The following EFCAB6 variants were observed in gnomAD, a reference collection of about 807,000 sequenced individuals.
The protein encoded by EFCAB6 is EF-hand calcium-binding domain-containing protein 6.
In EFCAB6, 156 loss-of-function variants were observed where a neutral mutation model predicts 169.8. The observed-to-expected ratio is 0.92, with a 90% confidence interval of 0.81 to 1.05. The LOEUF is 1.05. Among genes scored for constraint, EFCAB6 ranks in the 50% least tolerant of loss-of-function variants. EFCAB6 has a pLI of 0.00. For synonymous variants in EFCAB6, 698 were observed against 676.4 expected, an observed-to-expected ratio of 1.03 and a Z score of -0.50; for missense variants, 1,800 against 1,829.1, an observed-to-expected ratio of 0.98 and a Z score of 0.29.
At chr22:43,727,811 T>G (rs1197137493) in intron 8 of EFCAB6, among the ~76,000 whole-genome samples, 1 of 152,200 alleles carries the variant, frequency 6.6e-6, no homozygotes, top group Non-Finnish European at 1.5e-5. Context: ...AGAGGCTCAT[T>G]TGGCTTATGG....
chr22:43,770,432 C>A (rs964186173), intron 4 of EFCAB6, among the ~76,000 whole-genome samples: 1 of 152,182 alleles, frequency 6.6e-6, no homozygotes, highest in Non-Finnish European at 1.5e-5. Context: ...AGGTGACTAA[C>A]ATGTGAAAAT....
chr22:43,726,061 G>A (rs553743813), intron 8 of EFCAB6, among the ~76,000 whole-genome samples: 32 of 152,102 alleles, frequency 2.1e-4, no homozygotes, highest in African/African-American at 6.3e-4. Flanking sequence ...CAGAATGACT[G>A]GATATATAGC....
At position 43,809,066 on chromosome 22, in the gene EFCAB6, G is replaced by A. The variant is rs1171419825; in HGVS notation, c.-79C>T. On this transcript the variant is annotated 5_prime_UTR_variant, in exon 2 of 32. Coordinates refer to ENST00000262726, the MANE Select transcript of EFCAB6 (RefSeq NM_022785.4). ...CCACATTCTCTCCCTGAAGAGTGAG[G>A]ACATTAAGCCCACACTTTTGTCATT... The A allele has an allele frequency of 6.6e-6, 1 of 152,124 alleles. No individual in the cohort carries two copies. Among genetic ancestry groups the A allele is most frequent in the Non-Finnish European group, 1.5e-5 (1 of 68,006 alleles). The allele number at this position is 152,124 out of a possible 1,614,324, so 9.4% of individuals were successfully genotyped here. A position where few individuals can be genotyped will look rare whatever the true frequency, so the allele number is the denominator to read the frequency against.
At chr22:43,595,390 G>A (rs1180520336) in intron 23 of EFCAB6, among the ~76,000 whole-genome samples, 1 of 151,968 alleles carries the variant, frequency 6.6e-6, no homozygotes, top group Non-Finnish European at 1.5e-5. Flanking sequence ...ATGAAAAAAA[G>A]AAAGTCCAAA....
intron 26 of EFCAB6, among the ~76,000 whole-genome samples, chr22:43,569,063 G>A (rs997852430): frequency 8.5e-5 from 13 of 152,148 alleles, no homozygotes; most frequent in Admixed American, 4.6e-4. Context: ...TGCTACTTCC[G>A]GCAGAGCTTG....
At chr22:43,740,242 T>C (rs1364124438) in intron 6 of EFCAB6, among the ~76,000 whole-genome samples, 4 of 152,030 alleles carry the variant, frequency 2.6e-5, no homozygotes, top group Non-Finnish European at 2.9e-5. Flanking sequence ...CTCTCCAAAC[T>C]CCTCTTCAAA....
intron 2 of EFCAB6, chr22:43,797,261 C>T (rs1603384446): frequency 6.5e-6 from 1 of 152,724 alleles, no homozygotes; most frequent in African/African-American, 2.4e-5. Flanking sequence ...TTGGTACTGC[C>T]TGAGAGGGTG....
intron 3 of EFCAB6, among the ~76,000 whole-genome samples, chr22:43,780,938 C>T (rs890099710): frequency 2.0e-5 from 3 of 152,212 alleles, no homozygotes; most frequent in Non-Finnish European, 4.4e-5. Flanking sequence ...ATTCCTCAGG[C>T]TGTGTTCATG....
At chr22:43,693,259 T>A (rs1237346450) in intron 10 of EFCAB6, among the ~76,000 whole-genome samples, 1 of 152,012 alleles carries the variant, frequency 6.6e-6, no homozygotes, top group Non-Finnish European at 1.5e-5. Context: ...AGCCATGTGA[T>A]CAAGGTCAAC....
At chr22:43,774,570 G>A (rs1475712396) in intron 3 of EFCAB6, among the ~76,000 whole-genome samples, 1 of 151,762 alleles carries the variant, frequency 6.6e-6, no homozygotes, top group Non-Finnish European at 1.5e-5. Context: ...CAGCCTCAGG[G>A]AGGGAGGTGA....
At position 43,782,276 on chromosome 22, in the gene EFCAB6, G is replaced by A. The variant is rs758292888; in HGVS notation, c.43C>T (p.Pro15Ser). The change falls in exon 3 of 32, where the codon CCT (proline) becomes TCT (serine). Residue 15 changes from proline (P) to serine (S), a missense_variant. Physicochemically the swap from Pro to Ser is moderately conservative, Grantham distance 74. Coordinates refer to ENST00000262726, the MANE Select transcript of EFCAB6 (RefSeq NM_022785.4). ...GAATGTGTAAATTTTCGTGTGTGAG[G>A]ATGCGACCTAAGCCAGTCTGGTATA... Reference protein sequence around the residue: ...AIIPDWLRSHPHTRKFTHSRP... With the variant: ...AIIPDWLRSHSHTRKFTHSRP... 1 of 1,614,024 alleles carries A rather than the reference G, an allele frequency of 6.2e-7. No homozygotes were observed. Among genetic ancestry groups the A allele is most frequent in the Non-Finnish European group, 8.5e-7 (1 of 1,179,954 alleles).
intron 5 of EFCAB6, chr22:43,759,367 G>C (rs2061071991): frequency 6.6e-6 from 1 of 152,178 alleles, no homozygotes; most frequent in South Asian, 2.1e-4. Flanking sequence ...TGCTCAGAAA[G>C]CTTTTAAACA....
chr22:43,575,448 T>C (rs2050188553), intron 26 of EFCAB6, among the ~76,000 whole-genome samples: 1 of 150,870 alleles, frequency 6.6e-6, no homozygotes. Flanking sequence ...CCTCAGGTGA[T>C]CTGCCCACCT....
chr22:43,645,986 C>G (rs1328908221), intron 17 of EFCAB6, among the ~76,000 whole-genome samples: 1 of 152,170 alleles, frequency 6.6e-6, no homozygotes, highest in Non-Finnish European at 1.5e-5. Flanking sequence ...GATCCAGAAC[C>G]CAGCTTGGGT....
At chr22:43,782,669 A>C (rs1234867147) in intron 2 of EFCAB6, among the ~76,000 whole-genome samples, 3 of 152,210 alleles carry the variant, frequency 2.0e-5, no homozygotes, top group Non-Finnish European at 2.9e-5. Context: ...GAAGTGCCTC[A>C]GTATAAATTC....
intron 12 of EFCAB6, among the ~76,000 whole-genome samples, chr22:43,681,184 T>G (rs190405987): frequency 6.6e-6 from 1 of 152,356 alleles, no homozygotes; most frequent in African/African-American, 2.4e-5. Flanking sequence ...TGTTGGATTT[T>G]TCAAATACTG....
intron 5 of EFCAB6, among the ~76,000 whole-genome samples, chr22:43,761,558 G>A (rs2061162511): frequency 6.6e-6 from 1 of 152,146 alleles, no homozygotes; most frequent in South Asian, 2.1e-4. Flanking sequence ...TTTATTGCCT[G>A]TTTTGCATTC....
At chr22:43,751,002 G>A (rs577954876) in intron 6 of EFCAB6, among the ~76,000 whole-genome samples, 2 of 152,150 alleles carry the variant, frequency 1.3e-5, no homozygotes, top group Admixed American at 1.3e-4. Flanking sequence ...TGTCACAGCC[G>A]ACTGGGTAGA....
At chr22:43,729,679 A>C (rs898535611) in intron 8 of EFCAB6, among the ~76,000 whole-genome samples, 2 of 152,226 alleles carry the variant, frequency 1.3e-5, no homozygotes, top group Non-Finnish European at 2.9e-5. Flanking sequence ...CTCTATAAGA[A>C]CGTGAACTCA....
Sources: gnomAD v4.1 joint callset for allele counts (sites outside exome capture counted in the v4.1 genomes callset) on GRCh38, gnomAD v4.1.1 for gene constraint, MANE v1.5 for transcripts, NCBI Gene and HGNC (gene_info 2026-07-23, HGNC 2026-07-21) for gene names.